Variants in CEMIP observed in about 807,000 individuals in gnomAD.
The protein encoded by CEMIP is cell migration-inducing and hyaluronan-binding protein.
In CEMIP, 105 loss-of-function variants were observed where a neutral mutation model predicts 156.9. The observed-to-expected ratio is 0.67, with a 90% CI of 0.57 to 0.79. The LOEUF (loss-of-function observed/expected upper bound fraction) is 0.79, where lower values mean the gene tolerates loss of function less well. Ranked by LOEUF, CEMIP falls within the 30% of genes least tolerant of loss-of-function variation. CEMIP has a pLI of 0.00. For missense variants in CEMIP, 1,457 were observed against 1,769.4 expected (o/e 0.82, Z 3.17); for synonymous variants, 676 against 668.4 (o/e 1.01, Z -0.17).
At chr15:80,794,405 C>G (rs1033753108) in intron 1 of CEMIP, among the ~76,000 whole-genome samples, 3 of 152,124 alleles carry the variant, frequency 2.0e-5, no homozygotes, top group Non-Finnish European at 4.4e-5. Context: ...CAGCAGTGAC[C>G]AAAATGAGCT....
intron 1 of CEMIP, among the ~76,000 whole-genome samples, chr15:80,800,755 C>T (rs1896355583): frequency 6.6e-6 from 1 of 152,154 alleles, no homozygotes; most frequent in African/African-American, 2.4e-5. Context: ...GATATTCTCG[C>T]CATCTCTGTT....
chr15:80,915,110 G>A (rs1270716548), intron 14 of CEMIP, among the ~76,000 whole-genome samples: 3 of 152,154 alleles, frequency 2.0e-5, no homozygotes, highest in Admixed American at 2.0e-4. Context: ...CTAATCTTAG[G>A]TTTTACAATA....
At chr15:80,801,480 T>C (rs530625281) in intron 1 of CEMIP, among the ~76,000 whole-genome samples, 3 of 152,222 alleles carry the variant, frequency 2.0e-5, no homozygotes, top group Non-Finnish European at 2.9e-5. Flanking sequence ...AAGGAAAGCA[T>C]GCATGGCCTC....
chr15:80,846,679 C>T (rs536833307), intron 1 of CEMIP, among the ~76,000 whole-genome samples: 214 of 152,310 alleles, frequency 1.4e-3, no homozygotes, highest in African/African-American at 4.9e-3. Context: ...GCCTGCCTGC[C>T]GGTGGTCCCG....
At chr15:80,937,274 G>A (rs114671059) in intron 24 of CEMIP, among the ~76,000 whole-genome samples, 1,843 of 152,334 alleles carry the variant, frequency 0.012, 49 homozygotes, top group African/African-American at 0.042. Context: ...AGAGGGAAAC[G>A]AGGCTCTGCG....
At chr15:80,802,076 G>T (rs1267853615) in intron 1 of CEMIP, among the ~76,000 whole-genome samples, 1 of 152,178 alleles carries the variant, frequency 6.6e-6, no homozygotes, top group East Asian at 1.9e-4. Context: ...CTGTACTATT[G>T]TACTTGGAAG....
At chr15:80,900,585 GGTGTGTGTGTGTGTGTGTGTGTGTGTGT>G (rs57724852) in intron 12 of CEMIP, among the ~76,000 whole-genome samples, 60 of 74,974 alleles carry the variant, frequency 8.0e-4, no homozygotes, top group African/African-American at 3.1e-3. Context: ...CCCAGGTAGG[GGTGTGTGTGTGTGTGTGTGTGTGTGTGT>G]GTGTGTGTGT....
intron 1 of CEMIP, among the ~76,000 whole-genome samples, chr15:80,841,693 G>A (rs1897422728): frequency 6.6e-6 from 1 of 152,134 alleles, no homozygotes; most frequent in African/African-American, 2.4e-5. Flanking sequence ...GTAGCTGCCG[G>A]AGCCCTCCCT....
chr15:80,799,488 C>T (rs928023368), intron 1 of CEMIP, among the ~76,000 whole-genome samples: 10 of 152,160 alleles, frequency 6.6e-5, no homozygotes, highest in Non-Finnish European at 1.0e-4. Context: ...GTTTCTTCTG[C>T]AAAATGAGAG....
chr15:80,847,712 G>A (rs146414254), intron 1 of CEMIP, among the ~76,000 whole-genome samples: 250 of 152,348 alleles, frequency 1.6e-3, no homozygotes, highest in African/African-American at 5.9e-3. Flanking sequence ...CATGGGCTCA[G>A]AAGGCTGATG....
chr15:80,861,334 C>A (rs753872465), intron 1 of CEMIP, among the ~76,000 whole-genome samples: 2 of 152,196 alleles, frequency 1.3e-5, no homozygotes, highest in African/African-American at 2.4e-5. Flanking sequence ...GCCAGTGCCC[C>A]CACACCCATG....
intron 1 of CEMIP, among the ~76,000 whole-genome samples, chr15:80,839,998 G>GA (rs1392948775): frequency 6.6e-6 from 1 of 152,220 alleles, no homozygotes; most frequent in Non-Finnish European, 1.5e-5. Flanking sequence ...GAAAGGTGGG[G>GA]TGGGACTTGA....
rs569208193 is a variant in CEMIP, at chr15:80,825,595, C to G, written c.-176+45981C>G. 3.9e-5 allele frequency among the ~76,000 whole-genome samples: 6 copies of G among 152,326 alleles called. No homozygotes were observed. In the South Asian group the frequency reaches 8.3e-4, roughly 21 times the overall value. Reference sequence around the variant, plus strand: ...ATTGGCCAAGCCACAGCATGCATGGCCATGGTTCAAACAAGTAAGCAAAGC... The same window carrying G: ...ATTGGCCAAGCCACAGCATGCATGGGCATGGTTCAAACAAGTAAGCAAAGC... On this transcript the variant is annotated intron_variant, in intron 1 of 29. Transcript: ENST00000394685.
In CEMIP at chr15:80,929,052, G is replaced by A; in HGVS notation, c.2490G>A (p.Lys830=). 1 of 1,614,230 alleles carries A rather than the reference G, an allele frequency of 6.2e-7. No individual in the cohort carries two copies. The highest frequency in any genetic ancestry group is 8.5e-7 in the Non-Finnish European group (1 of 1,180,042). ...CCTTCCCGTATGACGACGGCTCCAA[G>A]CAAGAGATAAAGAACAGCTTGTTTG... ...GGTFPYDDGS[K]QEIKNSLFVG... Residue 830 remains lysine (K), a synonymous_variant, in exon 21 of 30, where the codon AAG becomes AAA. Transcript: ENST00000394685.
chr15:80,792,476 C>A (rs1896105350), intron 1 of CEMIP, among the ~76,000 whole-genome samples: 1 of 152,154 alleles, frequency 6.6e-6, no homozygotes, highest in South Asian at 2.1e-4. Flanking sequence ...GGTTACTTCA[C>A]CTTTCTGTGC....
At chr15:80,865,349 T>C (rs1380981998) in intron 1 of CEMIP, among the ~76,000 whole-genome samples, 1 of 151,626 alleles carries the variant, frequency 6.6e-6, no homozygotes, top group African/African-American at 2.4e-5. Flanking sequence ...GCCCGGCTAA[T>C]GTTTGTATTT....
chr15:80,883,431 A>T (rs74030629), intron 6 of CEMIP, among the ~76,000 whole-genome samples: 2,169 of 152,336 alleles, frequency 0.014, 45 homozygotes, highest in African/African-American at 0.05. Flanking sequence ...TACACTTAAA[A>T]TTTTAAGAGG....
intron 6 of CEMIP, among the ~76,000 whole-genome samples, chr15:80,883,543 G>A (rs1267518995): frequency 1.3e-5 from 2 of 152,284 alleles, no homozygotes; most frequent in Middle Eastern, 3.4e-3. Flanking sequence ...ATACTCAAAT[G>A]TTATATGACT....
intron 10 of CEMIP, among the ~76,000 whole-genome samples, chr15:80,891,159 C>G (rs553641892): frequency 2.5e-4 from 38 of 152,342 alleles, no homozygotes; most frequent in African/African-American, 8.9e-4. Flanking sequence ...TGGAAATGCT[C>G]AAGGAATGCT....
Sources: allele counts gnomAD v4.1 joint callset (sites outside exome capture counted in the v4.1 genomes callset), GRCh38; gene constraint gnomAD v4.1.1; transcripts MANE v1.5; gene names NCBI Gene and HGNC (gene_info 2026-07-23, HGNC 2026-07-21).